SLC25A21: variants seen among roughly 807,000 people sequenced by gnomAD.
The protein encoded by SLC25A21 is solute carrier family 25 member 21.
In SLC25A21, 47 loss-of-function variants were observed where a neutral mutation model predicts 43.8. The observed-to-expected ratio is 1.07, with a 90% CI of 0.85 to 1.37. The LOEUF (loss-of-function observed/expected upper bound fraction) is 1.37. Ranked by LOEUF, SLC25A21 falls within the 40% of genes most tolerant of loss-of-function variation. The probability of loss-of-function intolerance (pLI) is 0.00; values close to 1 mark genes in which losing one functional copy is unlikely to be tolerated. For synonymous variants in SLC25A21, 131 were observed against 121.3 expected (o/e 1.08, Z -0.52); for missense variants, 352 against 350.2 (o/e 1.00, Z -0.04).
At chr14:37,165,713 T>A (rs1199786804) in intron 1 of SLC25A21, among the ~76,000 whole-genome samples, 1 of 152,124 alleles carries the variant, frequency 6.6e-6, no homozygotes, top group East Asian at 1.9e-4. Flanking sequence ...TCACAGACCC[T>A]GGGAGGTTCT....
intron 1 of SLC25A21, among the ~76,000 whole-genome samples, chr14:36,910,160 G>A (rs1223932470): frequency 1.3e-5 from 2 of 152,124 alleles, no homozygotes; most frequent in Admixed American, 6.6e-5. Flanking sequence ...ACTAGGAGCC[G>A]ATGCAAGTCT....
At chr14:36,994,825 T>C (rs866731626) in intron 1 of SLC25A21, among the ~76,000 whole-genome samples, 10 of 152,306 alleles carry the variant, frequency 6.6e-5, no homozygotes, top group Middle Eastern at 3.4e-3. Flanking sequence ...ATTAAACCAA[T>C]GCAGTCCTCG....
At chr14:36,862,540 A>G (rs1191241878) in intron 2 of SLC25A21, among the ~76,000 whole-genome samples, 4 of 152,184 alleles carry the variant, frequency 2.6e-5, no homozygotes, top group East Asian at 1.9e-4. Context: ...GTTCTCACTC[A>G]TAAGTGGGAG....
chr14:36,856,961 C>T (rs1484704891), intron 2 of SLC25A21, among the ~76,000 whole-genome samples: 1 of 152,230 alleles, frequency 6.6e-6, no homozygotes, highest in African/African-American at 2.4e-5. Context: ...TGCAAAAGGA[C>T]ATTTAATTCC....
At chr14:37,035,737 A>G (rs1020266240) in intron 1 of SLC25A21, among the ~76,000 whole-genome samples, 2 of 152,230 alleles carry the variant, frequency 1.3e-5, no homozygotes, top group Non-Finnish European at 2.9e-5. Context: ...TAGACACTGG[A>G]AAACAAATGG....
rs553977558 is a variant in SLC25A21, at chr14:36,946,080, C to T, written c.71-71076G>A. Among the ~76,000 whole-genome samples the T allele has an allele frequency of 2.6e-5, 4 of 152,236 alleles. No individual in the cohort carries two copies. The East Asian group carries it at 7.7e-4, about 29-fold the overall frequency. ...AAGGATCAGATAAATTAGTGAATAC[C>T]TCAAGGATGTAAGTAGAAACATTTT... On this transcript the variant is annotated intron_variant, in intron 1 of 9. Coordinates refer to ENST00000331299, the MANE Select transcript of SLC25A21 (RefSeq NM_030631.4).
rs1434523121 is a variant in SLC25A21, at chr14:36,679,838, C to CTCA, written c.*817_*819dup. 3 of 984,388 alleles carry CTCA rather than the reference C, an allele frequency of 3.0e-6. No individual in the cohort carries two copies. Among genetic ancestry groups the CTCA allele is most frequent in the Non-Finnish European group, 2.4e-6 (2 of 829,170 alleles). The allele number at this position is 984,388 out of a possible 1,614,324, so 61.0% of individuals were successfully genotyped here. On this transcript the variant is annotated 3_prime_UTR_variant, in exon 10 of 10. Transcript: ENST00000331299. ...AATTTGTGATTTAACATGACAATAT[C>CTCA]TCATCAACAAAACTTATCTTCAAAG...
At chr14:36,831,588 C>T (rs1889041859) in intron 2 of SLC25A21, among the ~76,000 whole-genome samples, 1 of 152,160 alleles carries the variant, frequency 6.6e-6, no homozygotes, top group Admixed American at 6.6e-5. Flanking sequence ...CCTGAATTTA[C>T]AAATTCAGTT....
chr14:36,889,341 A>C (rs1022563699), intron 1 of SLC25A21, among the ~76,000 whole-genome samples: 1 of 152,252 alleles, frequency 6.6e-6, no homozygotes. Context: ...ATGTAAAATA[A>C]GTGCCAGCTG....
At chr14:37,148,525 G>T (rs935680754) in intron 1 of SLC25A21, among the ~76,000 whole-genome samples, 1 of 152,080 alleles carries the variant, frequency 6.6e-6, no homozygotes, top group Admixed American at 6.6e-5. Flanking sequence ...CTATGAAAGA[G>T]GTCAAAGTAT....
intron 1 of SLC25A21, among the ~76,000 whole-genome samples, chr14:37,159,549 T>C (rs1292814148): frequency 6.6e-6 from 1 of 152,066 alleles, no homozygotes; most frequent in Non-Finnish European, 1.5e-5. Flanking sequence ...AATGAACCCT[T>C]TTCTCTCACA....
chr14:36,752,134 G>A (rs1246746560), intron 3 of SLC25A21, among the ~76,000 whole-genome samples: 2 of 152,168 alleles, frequency 1.3e-5, no homozygotes, highest in Non-Finnish European at 2.9e-5. Context: ...AATAATGCCA[G>A]GTCAACATTG....
chr14:36,979,846 C>T (rs1959978467), intron 1 of SLC25A21, among the ~76,000 whole-genome samples: 1 of 152,138 alleles, frequency 6.6e-6, no homozygotes, highest in African/African-American at 2.4e-5. Context: ...GTATCCTCTG[C>T]AGGGCAAAGG....
rs990665430 is a variant in SLC25A21, at chr14:37,167,895, G to A, written c.70+4386C>T. 3.3e-5 allele frequency among the ~76,000 whole-genome samples: 5 copies of A among 151,426 alleles called. No individual in the cohort carries two copies. The South Asian group carries it at 6.3e-4, about 19-fold the overall frequency. On this transcript the variant is annotated intron_variant, in intron 1 of 9. Coordinates refer to ENST00000331299, the MANE Select transcript of SLC25A21 (RefSeq NM_030631.4). ...GCACTCCTGACTCTCTAGCTGCACC[G>A]CTCCCCCCACCCCCTAATGCTTGGG...
Position 36,875,016 on chromosome 14 carries a change from T to C in SLC25A21, c.71-12A>G. The C allele has an allele frequency of 6.7e-7, 1 of 1,492,336 alleles. No homozygotes were observed. The highest frequency in any genetic ancestry group is 9.0e-7 in the Non-Finnish European group (1 of 1,116,168). The allele number at this position is 1,492,336 out of a possible 1,614,324, so 92.4% of individuals were successfully genotyped here. A position where few individuals can be genotyped will look rare whatever the true frequency, so the allele number is the denominator to read the frequency against. On this transcript the variant is annotated splice_polypyrimidine_tract_variant and intron_variant, in intron 1 of 9. Coordinates refer to ENST00000331299, the MANE Select transcript of SLC25A21 (RefSeq NM_030631.4). ...AATTTCTACAAGACCTGAAAGATGA[T>C]AAAGAAAATCCAATAAACACTTATG...
intron 1 of SLC25A21, among the ~76,000 whole-genome samples, chr14:37,086,034 G>A (rs1460034805): frequency 6.6e-6 from 1 of 152,114 alleles, no homozygotes; most frequent in Admixed American, 6.5e-5. Context: ...GAACCCAGGA[G>A]GCGGAGCTTG....
intron 3 of SLC25A21, among the ~76,000 whole-genome samples, chr14:36,759,341 T>C (rs1263247837): frequency 6.6e-6 from 1 of 152,204 alleles, no homozygotes; most frequent in Non-Finnish European, 1.5e-5. Flanking sequence ...GTGTATCTAG[T>C]TTCCTTCTGA....
chr14:37,158,221 T>C (rs1243939599), intron 1 of SLC25A21, among the ~76,000 whole-genome samples: 1 of 152,090 alleles, frequency 6.6e-6, no homozygotes, highest in African/African-American at 2.4e-5. Flanking sequence ...TAATTCTCGC[T>C]ATCATTCTAT....
intron 3 of SLC25A21, among the ~76,000 whole-genome samples, chr14:36,771,400 T>C (rs1481353777): frequency 6.6e-6 from 1 of 152,146 alleles, no homozygotes; most frequent in Non-Finnish European, 1.5e-5. Flanking sequence ...AAAGTACAAC[T>C]CCTTCCATTG....
Sources: gnomAD v4.1 joint callset for allele counts (sites outside exome capture counted in the v4.1 genomes callset) on GRCh38, gnomAD v4.1.1 for gene constraint, MANE v1.5 for transcripts, NCBI Gene and HGNC (gene_info 2026-07-23, HGNC 2026-07-21) for gene names.